Variants in ZNF66 observed in about 807,000 individuals in gnomAD.
ZNF66 encodes the protein zinc finger protein 66.
Under a neutral mutation model 35.2 loss-of-function variants are expected in ZNF66, and 32 were observed. That is an observed-to-expected ratio of 0.91 (90% CI 0.69 to 1.22). The LOEUF (loss-of-function observed/expected upper bound fraction) is 1.22. ZNF66 is among the 50% of genes most tolerant of loss of function. The pLI, the probability that ZNF66 is intolerant of heterozygous loss-of-function variation, is 0.00. For missense variants in ZNF66, 666 were observed against 543.1 expected (o/e 1.23, Z -2.25); for synonymous variants, 231 against 181.3 (o/e 1.27, Z -2.20).
chr19:20,782,585 T>C (rs1442148821), intron 1 of ZNF66, among the ~76,000 whole-genome samples: 1 of 152,228 alleles, frequency 6.6e-6, no homozygotes, highest in Non-Finnish European at 1.5e-5. Flanking sequence ...TGTGAGGTGG[T>C]ATCTCATTGT....
chr19:20,802,291 CTG>C (rs1440450209), intron 3 of ZNF66, among the ~76,000 whole-genome samples: 2 of 152,074 alleles, frequency 1.3e-5, no homozygotes, highest in African/African-American at 4.8e-5. Flanking sequence ...TGAATTAAAT[CTG>C]TAGATTAAAT....
chr19:20,809,163 A>G lies in ZNF66; in HGVS notation c.*1841A>G, dbSNP rs575373807. Among the ~76,000 whole-genome samples the G allele has an allele frequency of 5.9e-5, 9 of 152,070 alleles. No homozygotes were observed. Among genetic ancestry groups the G allele is most frequent in the African/African-American group, 2.2e-4 (9 of 41,468 alleles). On this transcript the variant is annotated 3_prime_UTR_variant, in exon 4 of 4. Coordinates refer to ENST00000344519, the MANE Select transcript of ZNF66 (RefSeq NM_001355197.2). ...AAATTAAAAAGAAACAAAGTCTCCA[A>G]GAAATATGGGACTATGTGAAAAGAC...
chr19:20,789,316 ACTATACCTTGGAGTCTTT>A (rs1971315290), intron 1 of ZNF66, among the ~76,000 whole-genome samples: 3 of 152,154 alleles, frequency 2.0e-5, no homozygotes, highest in African/African-American at 7.2e-5. Flanking sequence ...TTTTGGTCTG[ACTATACCTTGGAGTCTTT>A]CCTCAGAGAA....
chr19:20,793,322 C>CTT (rs370522800), intron 2 of ZNF66, among the ~76,000 whole-genome samples: 7 of 63,386 alleles, frequency 1.1e-4, no homozygotes, highest in South Asian at 5.4e-4. Context: ...CTTTTCTTTT[C>CTT]TTTTCTTTTC....
At chr19:20,801,338 CATTTT>C (rs924484396) in intron 3 of ZNF66, among the ~76,000 whole-genome samples, 2 of 150,130 alleles carry the variant, frequency 1.3e-5, no homozygotes, top group African/African-American at 4.9e-5. Flanking sequence ...ATTTATTATT[CATTTT>C]ATTTTATTTT....
rs1568503251 is a variant in ZNF66 at position 20,809,093 on chromosome 19, G to A, written c.*1771G>A. On this transcript the variant is annotated 3_prime_UTR_variant, in exon 4 of 4. Coordinates refer to ENST00000344519, the MANE Select transcript of ZNF66 (RefSeq NM_001355197.2). The stretch of plus-strand genomic sequence containing the variant: ...GGAAGAAAGGGTATCAGTGATGGAA[G>A]ATGAAATGAATGAAATGAAGTGAGA... Among the ~76,000 whole-genome samples, 1 of 152,044 alleles carries A rather than the reference G, an allele frequency of 6.6e-6. No homozygotes were observed. The highest frequency in any genetic ancestry group is 6.6e-5 in the Admixed American group (1 of 15,262).
chr19:20,778,379 C>G (rs1297582506), intron 1 of ZNF66, among the ~76,000 whole-genome samples: 1 of 152,274 alleles, frequency 6.6e-6, no homozygotes, highest in South Asian at 2.1e-4. Context: ...GGATTAGAGG[C>G]GTGAGCCACA....
intron 3 of ZNF66, among the ~76,000 whole-genome samples, chr19:20,796,751 T>G (rs1176593935): frequency 6.6e-6 from 1 of 152,226 alleles, no homozygotes. Flanking sequence ...TTATACTGCA[T>G]ATTCTCTGAA....
chr19:20,805,126 T>TGTGTGTGAGA (rs752355466), intron 3 of ZNF66, among the ~76,000 whole-genome samples: 4 of 146,080 alleles, frequency 2.7e-5, no homozygotes, highest in East Asian at 4.1e-4. Flanking sequence ...TGTGTGTGTG[T>TGTGTGTGAGA]GAGAGAGAGA....
chr19:20,782,381 T>C (rs1431109755), intron 1 of ZNF66, among the ~76,000 whole-genome samples: 1 of 152,214 alleles, frequency 6.6e-6, no homozygotes, highest in Non-Finnish European at 1.5e-5. Context: ...TTTCCTTGGG[T>C]ATATACCCAA....
rs769366927 is a variant in ZNF66, at chr19:20,807,277, TATGGG to T, written c.1679_1683del (p.Met560ArgfsTer7). The T allele has an allele frequency of 1.5e-6, 1 of 676,608 alleles. No homozygotes were observed. The highest frequency in any genetic ancestry group is 2.7e-6 in the Non-Finnish European group (1 of 376,366). The allele number at this position is 676,608 out of a possible 1,614,324, so 41.9% of individuals were successfully genotyped here. A position where few individuals can be genotyped will look rare whatever the true frequency, so the allele number is the denominator to read the frequency against. Reference sequence around the variant, plus strand: ...ACCTTAGTAGACATGAGATAATTCATATGGGAGGGAATCCCTACAAATGTGAAAAT... The same window carrying T: ...ACCTTAGTAGACATGAGATAATTCATAGGGAATCCCTACAAATGTGAAAAT... On this transcript the variant is annotated frameshift_variant, in exon 4 of 4. Transcript: ENST00000344519. LOFTEE classifies it high-confidence loss of function.
In ZNF66 at chr19:20,808,857, ATGAGT is replaced by A. The variant is rs1971555913; in HGVS notation, c.*1540_*1544del. ...CAAAGCTGGATGGAGAATGACTTTG[ATGAGT>A]TGAGAGAAGAAGGCTTCAGACGATC... On this transcript the variant is annotated 3_prime_UTR_variant, in exon 4 of 4. Coordinates refer to ENST00000344519, the MANE Select transcript of ZNF66 (RefSeq NM_001355197.2). Among the ~76,000 whole-genome samples the A allele has an allele frequency of 6.6e-6, 1 of 152,168 alleles. No individual in the cohort carries two copies. The highest frequency in any genetic ancestry group is 1.5e-5 in the Non-Finnish European group (1 of 68,036).
intron 1 of ZNF66, among the ~76,000 whole-genome samples, chr19:20,781,998 G>A (rs1302605413): frequency 6.6e-5 from 10 of 152,152 alleles, no homozygotes; most frequent in Non-Finnish European, 1.2e-4. Context: ...GTGCCATGGC[G>A]TGATATTGGC....
rs542358289 is a variant in ZNF66 at position 20,803,623 on chromosome 19, C to G, written c.227-2204C>G. On this transcript the variant is annotated intron_variant, in intron 3 of 3. Coordinates refer to ENST00000344519, the MANE Select transcript of ZNF66 (RefSeq NM_001355197.2). ...AGAACAATTAAAAATGTTTTCTGCA[C>G]CATTATGATAATGTTAAGAAATTCC... Among the ~76,000 whole-genome samples, 61 of 152,022 alleles carry G rather than the reference C, an allele frequency of 4.0e-4. No homozygotes were observed. In the South Asian group the frequency reaches 0.012, roughly 31 times the overall value.
intron 1 of ZNF66, among the ~76,000 whole-genome samples, chr19:20,789,760 A>T (rs1454386547): frequency 5.9e-5 from 9 of 152,202 alleles, no homozygotes; most frequent in Admixed American, 5.9e-4. Flanking sequence ...AACCCTTAGT[A>T]CCAGCTCCCA....
At chr19:20,793,095 A>T (rs1971354227) in intron 2 of ZNF66, among the ~76,000 whole-genome samples, 1 of 151,576 alleles carries the variant, frequency 6.6e-6, no homozygotes, top group African/African-American at 2.4e-5. Flanking sequence ...AGAAAGAAAA[A>T]AATTTCTTCA....
At chr19:20,802,262 T>A (rs1397910893) in intron 3 of ZNF66, among the ~76,000 whole-genome samples, 1 of 152,200 alleles carries the variant, frequency 6.6e-6, no homozygotes, top group Non-Finnish European at 1.5e-5. Context: ...AAAAATGCAA[T>A]GAGACATTTG....
At chr19:20,788,770 AGGCTGGGCATGG>A (rs1376687638) in intron 1 of ZNF66, among the ~76,000 whole-genome samples, 1 of 152,002 alleles carries the variant, frequency 6.6e-6, no homozygotes, top group East Asian at 1.9e-4. Context: ...TACCCTAGAA[AGGCTGGGCATGG>A]TTGTTCATGC....
chr19:20,792,778 T>A, intron 2 of ZNF66, 140 bp downstream of exon 2: 1 of 611,888 alleles, frequency 1.6e-6, no homozygotes, highest in Non-Finnish European at 2.6e-6. Context: ...ATTTGTTCAT[T>A]TAGAAAAGAA....
Sources: allele counts gnomAD v4.1 joint callset (sites outside exome capture counted in the v4.1 genomes callset), GRCh38; gene constraint gnomAD v4.1.1; transcripts MANE v1.5; gene names NCBI Gene and HGNC (gene_info 2026-07-23, HGNC 2026-07-21).